ANGEL2: variants seen among roughly 807,000 people sequenced by gnomAD.
ANGEL2 encodes the protein RNA 2',3'-cyclic phosphatase ANGEL2.
ANGEL2 carries 41 observed loss-of-function variants against 66.0 expected under a neutral mutation model. That is an observed-to-expected ratio of 0.62 (90% CI 0.48 to 0.81). ANGEL2 has a LOEUF of 0.81. Ranked by LOEUF, ANGEL2 falls within the 30% of genes least tolerant of loss-of-function variation. The pLI is 0.00. For missense variants in ANGEL2, 561 were observed against 641.6 expected, an observed-to-expected ratio of 0.87 and a Z score of 1.36; for synonymous variants, 208 against 226.5, an observed-to-expected ratio of 0.92 and a Z score of 0.73.
In ANGEL2 at chr1:213,008,231, T is replaced by G. The variant is rs2076396903; in HGVS notation, c.621A>C (p.Glu207Asp). The stretch of plus-strand genomic sequence containing the variant: ...TTACGTCTGCATCAAAATGTTTAAT[T>G]TCTTTCAGAATATTGGGAAACCTAA... ...WSFRFPNILK[E>D]IKHFDADVLC... The change falls in exon 3 of 9, where the codon GAA becomes GAC. Residue 207 changes from glutamate (E) to aspartate (D), a missense_variant. Coordinates refer to ENST00000366962, the MANE Select transcript of ANGEL2 (RefSeq NM_144567.5). 1 of 1,612,990 alleles carries G rather than the reference T, an allele frequency of 6.2e-7. No individual in the cohort carries two copies. The highest frequency in any genetic ancestry group is 8.5e-7 in the Non-Finnish European group (1 of 1,179,524).
chr1:213,002,411 CAT>C (rs1395880279), intron 5 of ANGEL2, among the ~76,000 whole-genome samples: 2 of 152,196 alleles, frequency 1.3e-5, no homozygotes, highest in African/African-American at 4.8e-5. Context: ...TTTCCACTGA[CAT>C]AGCACAGGTA....
rs1558167053 is a variant in ANGEL2 at position 212,996,622 on chromosome 1, C to CAAAA, written c.1483+532_1483+533insTTTT. ...TGGGTAACAGAGCGAGACTCTGTATCCAAAAAAAAAAAAAAAAAATATATA... is the reference window on the plus strand; with the variant it reads ...TGGGTAACAGAGCGAGACTCTGTATCAAAACAAAAAAAAAAAAAAAAAATATATA... On this transcript the variant is annotated intron_variant, in intron 8 of 8. Coordinates refer to ENST00000366962, the MANE Select transcript of ANGEL2 (RefSeq NM_144567.5). 2.3e-3 allele frequency among the ~76,000 whole-genome samples: 52 copies of CAAAA among 22,696 alleles called. 5 individuals carry two copies. Among genetic ancestry groups the CAAAA allele is most frequent in the Middle Eastern group, 0.045 (1 of 22 alleles). 14.9% of individuals were successfully genotyped at this position (22,696 alleles called of 152,430 possible).
At chr1:212,997,772 C>T (rs2076067155) in intron 7 of ANGEL2, among the ~76,000 whole-genome samples, 1 of 152,118 alleles carries the variant, frequency 6.6e-6, no homozygotes, top group Admixed American at 6.6e-5. Flanking sequence ...AACAGCTTCT[C>T]TAATGGTTTA....
intron 5 of ANGEL2, chr1:213,002,269 T>C (rs2076197933): frequency 6.6e-6 from 1 of 152,242 alleles, no homozygotes; most frequent in Admixed American, 6.5e-5. Flanking sequence ...TCAGAGCTCT[T>C]GGGTGACCAG....
chr1:213,015,503 CT>C, intron 1 of ANGEL2, 109 bp downstream of exon 1: 1 of 1,510,218 alleles, frequency 6.6e-7, no homozygotes. Context: ...CTTCCTCTTC[CT>C]TCCACCCCTA....
rs959244334 is a variant in ANGEL2 at position 213,015,031 on chromosome 1, TA to T, written c.59+581del. 7 of 842,620 alleles carry T rather than the reference TA, an allele frequency of 8.3e-6. No homozygotes were observed. The African/African-American group carries it at 9.2e-5, about 11-fold the overall frequency. 52.2% of individuals were successfully genotyped at this position (842,620 alleles called of 1,614,324 possible). A position where few individuals can be genotyped will look rare whatever the true frequency, so the allele number is the denominator to read the frequency against. On this transcript the variant is annotated intron_variant, in intron 1 of 8. Coordinates refer to ENST00000366962, the MANE Select transcript of ANGEL2 (RefSeq NM_144567.5). ...GGGCAGCACCTACTGAAGTGCTTTT[TA>T]AAAAAAACTGAGTCAATTTAAAGAA...
At position 212,995,139 on chromosome 1, in the gene ANGEL2, G is replaced by A; in HGVS notation, c.1537C>T (p.Leu513Phe). ...ACAGTCCATAAGTCTTGTTCTGTAA[G>A]AAGTGACAGTCTAGCTAGAAGTTTC... ...GLKLLARLSLLTEQDLWTVNG... is the reference protein window; with the variant it reads ...GLKLLARLSLFTEQDLWTVNG... The change falls in exon 9 of 9, where the codon CTT becomes TTT. Residue 513 changes from leucine (L) to phenylalanine (F), a missense_variant. Leu to Phe is a conservative substitution (Grantham distance 22). Transcript: ENST00000366962. 1.9e-6 allele frequency: 3 copies of A among 1,610,898 alleles called. No individual in the cohort carries two copies. Among genetic ancestry groups the A allele is most frequent in the Non-Finnish European group, 2.5e-6 (3 of 1,178,188 alleles).
Position 212,994,579 on chromosome 1 carries a change from G to A in ANGEL2, c.*462C>T, listed in dbSNP as rs1020617536. On this transcript the variant is annotated 3_prime_UTR_variant, in exon 9 of 9. Coordinates refer to ENST00000366962, the MANE Select transcript of ANGEL2 (RefSeq NM_144567.5). ...GTTGGATACCTGTGAATGACCCAAG[G>A]CTTTCTAAGATAAACTATTTAGAAC... The A allele has an allele frequency of 3.3e-5, 5 of 152,294 alleles. No individual in the cohort carries two copies. The highest frequency in any genetic ancestry group is 1.2e-4 in the African/African-American group (5 of 41,436). 9.4% of individuals were successfully genotyped at this position (152,294 alleles called of 1,614,324 possible).
At chr1:213,001,641 G>C (rs2076181220) in intron 5 of ANGEL2, 1 of 152,154 alleles carries the variant, frequency 6.6e-6, no homozygotes, top group Non-Finnish European at 1.5e-5. Flanking sequence ...TGTAGCATCT[G>C]ATGCTATTTG....
In ANGEL2 at chr1:213,005,348, G is replaced by T; in HGVS notation, c.819C>A (p.Phe273Leu). The T allele has an allele frequency of 1.2e-6, 2 of 1,614,244 alleles. No homozygotes were observed. Among genetic ancestry groups the T allele is most frequent in the Non-Finnish European group, 1.7e-6 (2 of 1,180,040 alleles). Residue 273 changes from phenylalanine (F) to leucine (L), a missense_variant, in exon 5 of 9, where the codon TTC becomes TTA. Physicochemically the swap from Phe to Leu is conservative, Grantham distance 22. Coordinates refer to ENST00000366962, the MANE Select transcript of ANGEL2 (RefSeq NM_144567.5). Reference protein sequence around the residue: ...FSLLSVNPVEFFRPDISLLDR... With the variant: ...FSLLSVNPVELFRPDISLLDR... ...CCAACAGAGAAATATCAGGGCGGAA[G>T]AATTCCACTGGGTTCACTGACAAGA...
intron 4 of ANGEL2, chr1:213,006,603 C>T (rs2076335164): frequency 6.6e-6 from 1 of 152,326 alleles, no homozygotes; most frequent in South Asian, 2.1e-4. Flanking sequence ...TAGGTAGACA[C>T]TGGCAGGCAC....
intron 2 of ANGEL2, among the ~76,000 whole-genome samples, chr1:213,011,655 G>GA (rs2076512133): frequency 6.6e-6 from 1 of 152,086 alleles, no homozygotes; most frequent in African/African-American, 2.4e-5. Context: ...TATTTTACAC[G>GA]AAAAAATCAA....
chr1:212,995,937 T>G (rs2075983473), intron 8 of ANGEL2, among the ~76,000 whole-genome samples: 1 of 152,234 alleles, frequency 6.6e-6, no homozygotes, highest in South Asian at 2.1e-4. Context: ...CAAAGTTTTC[T>G]TAAAGGTATT....
intron 6 of ANGEL2, 56 bp from the exon 7 acceptor site, chr1:213,000,439 G>A (rs920297739): frequency 1.3e-5 from 19 of 1,418,120 alleles, no homozygotes; most frequent in South Asian, 8.4e-5. Flanking sequence ...CCTTAATATC[G>A]TCATCTTACT....
chr1:213,015,831 G>T lies in ANGEL2; in HGVS notation c.-160C>A. Reference sequence around the variant, plus strand: ...CTGGGAGGTGCAGTCTCGCCGGCCGGCCTACACTCCATCTTGCGCAGTCAG... The same window carrying T: ...CTGGGAGGTGCAGTCTCGCCGGCCGTCCTACACTCCATCTTGCGCAGTCAG... On this transcript the variant is annotated 5_prime_UTR_variant, in exon 1 of 9. Coordinates refer to ENST00000366962, the MANE Select transcript of ANGEL2 (RefSeq NM_144567.5). The T allele has an allele frequency of 2.3e-6, 2 of 862,154 alleles. No individual in the cohort carries two copies. Among genetic ancestry groups the T allele is most frequent in the Non-Finnish European group, 3.6e-6 (2 of 557,310 alleles). 53.4% of individuals were successfully genotyped at this position (862,154 alleles called of 1,614,324 possible). A position where few individuals can be genotyped will look rare whatever the true frequency, so the allele number is the denominator to read the frequency against.
Position 213,005,369 on chromosome 1 carries a change from C to G in ANGEL2, c.798G>C (p.Leu266Phe). 6.2e-7 allele frequency: 1 copy of G among 1,614,182 alleles called. No homozygotes were observed. The highest frequency in any genetic ancestry group is 8.5e-7 in the Non-Finnish European group (1 of 1,180,014). The change falls in exon 5 of 9, where the codon TTG (leucine) becomes TTC (phenylalanine). Residue 266 changes from leucine (L) to phenylalanine (F), a missense_variant. Coordinates refer to ENST00000366962, the MANE Select transcript of ANGEL2 (RefSeq NM_144567.5). ...GGAAGAATTCCACTGGGTTCACTGA[C>G]AAGAGTGAAAATTTGGAATGTTTGA... is the stretch of plus-strand genomic sequence containing the variant. ...ICFKHSKFSL[L>F]SVNPVEFFRP... is the part of the protein sequence containing the mutation.
rs769737729 is a variant in ANGEL2, at chr1:213,005,279, A to T, written c.888T>A (p.Ile296=). The T allele has an allele frequency of 6.2e-7, 1 of 1,614,242 alleles. No homozygotes were observed. The highest frequency in any genetic ancestry group is 1.1e-5 in the South Asian group (1 of 91,086). The change falls in exon 5 of 9, where the codon ATT becomes ATA. Residue 296 remains isoleucine (I), a synonymous_variant. Transcript: ENST00000366962. The stretch of plus-strand genomic sequence containing the variant: ...AGATTGCAGGGCAGGCAGCATATGG[A>T]ATTTTGGGCTGTAAGAGTAAAACTA... The part of the protein sequence containing the change: ...VGLVLLLQPK[I]PYAACPAICV...
intron 2 of ANGEL2, among the ~76,000 whole-genome samples, chr1:213,009,566 T>C (rs2076440872): frequency 6.6e-6 from 1 of 152,150 alleles, no homozygotes; most frequent in Non-Finnish European, 1.5e-5. Flanking sequence ...AAAAATTAAA[T>C]TGAAGTTAAA....
Position 213,015,743 on chromosome 1 carries a change from C to T in ANGEL2, c.-72G>A, listed in dbSNP as rs960553405. ...CAATCTCTATAATCGATGCGACGGCCTAAAGTATCTAGGGAACCCCATCAC... is the reference window on the plus strand; with the variant it reads ...CAATCTCTATAATCGATGCGACGGCTTAAAGTATCTAGGGAACCCCATCAC... On this transcript the variant is annotated 5_prime_UTR_variant, in exon 1 of 9. Transcript: ENST00000366962. The T allele has an allele frequency of 1.2e-6, 2 of 1,603,102 alleles. No individual in the cohort carries two copies. Among genetic ancestry groups the T allele is most frequent in the Non-Finnish European group, 8.5e-7 (1 of 1,170,954 alleles).
Sources: allele counts gnomAD v4.1 joint callset (sites outside exome capture counted in the v4.1 genomes callset), GRCh38; gene constraint gnomAD v4.1.1; transcripts MANE v1.5; gene names NCBI Gene and HGNC (gene_info 2026-07-23, HGNC 2026-07-21).